Variants in FBXL5 observed in about 807,000 individuals in gnomAD.
FBXL5 encodes F-box and leucine rich repeat protein 5.
A neutral mutation model predicts 78.3 loss-of-function variants in FBXL5; 26 were observed. The ratio of observed to expected loss-of-function variants is 0.33; its 90% confidence interval spans 0.24 to 0.46. The LOEUF (loss-of-function observed/expected upper bound fraction) is 0.46, where lower values mean the gene tolerates loss of function less well. Ranked by LOEUF, FBXL5 falls within the 20% of genes least tolerant of loss-of-function variation. The pLI is 1.00. For missense variants in FBXL5, 710 were observed against 829.2 expected, an observed-to-expected ratio of 0.86 and a Z score of 1.77; for synonymous variants, 295 against 282.5, an observed-to-expected ratio of 1.04 and a Z score of -0.45.
At chr4:15,614,981 G>A (rs1194928742) in intron 9 of FBXL5, among the ~76,000 whole-genome samples, 7 of 152,168 alleles carry the variant, frequency 4.6e-5, no homozygotes, top group South Asian at 2.1e-4. Flanking sequence ...CCGGGTGGGC[G>A]TGGGCTTGGC....
intron 1 of FBXL5, among the ~76,000 whole-genome samples, chr4:15,665,663 T>C (rs889698989): frequency 2.0e-5 from 3 of 152,098 alleles, no homozygotes; most frequent in Non-Finnish European, 2.9e-5. Flanking sequence ...TTTTTAAATA[T>C]GTAATAAAAA....
At chr4:15,614,998 C>T (rs962890286) in intron 9 of FBXL5, among the ~76,000 whole-genome samples, 10 of 152,270 alleles carry the variant, frequency 6.6e-5, no homozygotes, top group Non-Finnish European at 7.4e-5. Flanking sequence ...TGGCGGGCCC[C>T]GCACTCAGAG....
At chr4:15,655,908 G>A (rs558033814), upstream of FBXL5, among the ~76,000 whole-genome samples, 113 of 152,378 alleles carry the variant, frequency 7.4e-4, no homozygotes, top group Non-Finnish European at 1.4e-3. Context: ...AGCGGTTGGT[G>A]AACCAGAGCT....
intron 2 of FBXL5, among the ~76,000 whole-genome samples, chr4:15,641,844 C>T (rs369284064): frequency 1.4e-4 from 22 of 151,948 alleles, no homozygotes; most frequent in East Asian, 5.8e-4. Context: ...CAGCCCAACG[C>T]GGCGAAACCC....
intron 1 of FBXL5, among the ~76,000 whole-genome samples, chr4:15,646,790 G>A (rs887197743): frequency 2.0e-5 from 3 of 148,478 alleles, no homozygotes; most frequent in African/African-American, 7.5e-5. Flanking sequence ...GTGAGAACAT[G>A]CGGTGTTTGG....
chr4:15,630,781 A>G lies in FBXL5; in HGVS notation c.777T>C (p.Tyr259=). Residue 259 remains tyrosine, a synonymous_variant, in exon 6 of 11, where the codon TAT becomes TAC. Transcript: ENST00000341285. ...TATCAAGTTCAGTTGCGGGACCACT[A>G]TACCAGTCACCTACTCAATGAATAA... The part of the protein sequence containing the change: ...YPVHWARGDW[Y]SGPATELDTE... 6.2e-7 allele frequency: 1 copy of G among 1,613,258 alleles called. No homozygotes were observed.
At chr4:15,629,414 G>C (rs1355136700) in intron 6 of FBXL5, among the ~76,000 whole-genome samples, 1 of 152,008 alleles carries the variant, frequency 6.6e-6, no homozygotes. Context: ...ATTTCCCAAA[G>C]GACCTTAACT....
upstream of FBXL5, among the ~76,000 whole-genome samples, chr4:15,658,347 T>C (rs568850796): frequency 2.4e-4 from 37 of 152,334 alleles, no homozygotes; most frequent in African/African-American, 6.7e-4. Flanking sequence ...GATTTAGGAA[T>C]TGCTGTGGTT....
intron 5 of FBXL5, among the ~76,000 whole-genome samples, chr4:15,635,059 C>T (rs1433070182): frequency 6.6e-6 from 1 of 152,078 alleles, no homozygotes; most frequent in East Asian, 1.9e-4. Flanking sequence ...TGGCCGGGCA[C>T]GGTGGCTCAA....
chr4:15,654,910 C>G (rs998904403), intron 1 of FBXL5, among the ~76,000 whole-genome samples: 12 of 152,050 alleles, frequency 7.9e-5, no homozygotes, highest in Non-Finnish European at 7.4e-5. Flanking sequence ...TGGGGCCGGC[C>G]CGAGGGCGGC....
chr4:15,646,379 A>G (rs1381277479), intron 1 of FBXL5, among the ~76,000 whole-genome samples: 1 of 151,384 alleles, frequency 6.6e-6, no homozygotes, highest in Admixed American at 6.6e-5. Context: ...TTTTTTTTTA[A>G]ATCATAAGAA....
In FBXL5 at chr4:15,628,414, C is replaced by G. The variant is rs563834321; in HGVS notation, c.893-381G>C. Among the ~76,000 whole-genome samples the G allele has an allele frequency of 2.6e-5, 4 of 152,152 alleles. No homozygotes were observed. In the South Asian group the frequency reaches 8.3e-4, roughly 32 times the overall value. On this transcript the variant is annotated intron_variant, in intron 6 of 10. Transcript: ENST00000341285. ...TCTAAGAAGCTAAAAATGAGCATGG[C>G]TTTTGGTTTTACTTAATAACTTCTG...
At chr4:15,615,039 T>G (rs1711653544) in intron 9 of FBXL5, among the ~76,000 whole-genome samples, 1 of 152,136 alleles carries the variant, frequency 6.6e-6, no homozygotes, top group Non-Finnish European at 1.5e-5. Flanking sequence ...CCCTGGGCAA[T>G]GAGGGACTTA....
chr4:15,634,950 A>G (rs1476740606), intron 5 of FBXL5, among the ~76,000 whole-genome samples: 2 of 152,156 alleles, frequency 1.3e-5, no homozygotes, highest in African/African-American at 4.8e-5. Context: ...AAATTATCCC[A>G]CATAACAACT....
chr4:15,625,699 G>C lies in FBXL5; in HGVS notation c.1403C>G (p.Pro468Arg). The change falls in exon 9 of 11, where the codon CCT becomes CGT. Residue 468 changes from proline to arginine, a missense_variant. Physicochemically the swap from Pro to Arg is moderately radical, Grantham distance 103 (BLOSUM62 -2). Around this residue, in one of 4 missense-constraint regions of FBXL5, gnomAD observed 517 missense variants for 542.9 expected, o/e 0.95. Coordinates refer to ENST00000341285, the MANE Select transcript of FBXL5 (RefSeq NM_012161.4). ...AGAAGTGAAATTCTCAGAAGAAACAGGCTTAGTCCAGGGGTGTTCATTATC... is the reference window on the plus strand; with the variant it reads ...AGAAGTGAAATTCTCAGAAGAAACACGCTTAGTCCAGGGGTGTTCATTATC... ...EIDNEHPWTK[P>R]VSSENFTSPY... The C allele has an allele frequency of 6.2e-7, 1 of 1,614,218 alleles. No individual in the cohort carries two copies. The highest frequency in any genetic ancestry group is 8.5e-7 in the Non-Finnish European group (1 of 1,180,052).
At chr4:15,617,545 C>CAAAAAAAA (rs34036474) in intron 9 of FBXL5, among the ~76,000 whole-genome samples, 1 of 114,288 alleles carries the variant, frequency 8.7e-6, no homozygotes, top group Non-Finnish European at 1.8e-5. Flanking sequence ...CTCCATGTCT[C>CAAAAAAAA]AAAAAAAAAA....
intron 6 of FBXL5, 90 bp downstream of exon 6, chr4:15,630,576 A>G: frequency 8.2e-7 from 1 of 1,212,168 alleles, no homozygotes; most frequent in East Asian, 3.0e-5. Flanking sequence ...GAAAACACAA[A>G]ATACATAAAT....
intron 5 of FBXL5, among the ~76,000 whole-genome samples, chr4:15,634,992 T>C (rs1714097407): frequency 1.3e-5 from 2 of 152,166 alleles, no homozygotes; most frequent in Admixed American, 1.3e-4. Flanking sequence ...CTACCTAATA[T>C]TTCAAATAGC....
intron 1 of FBXL5, among the ~76,000 whole-genome samples, chr4:15,672,015 G>T (rs1404107394): frequency 1.3e-5 from 2 of 152,134 alleles, no homozygotes; most frequent in African/African-American, 4.8e-5. Flanking sequence ...ATCCTTGCTA[G>T]TTTGGAGATT....
Sources: allele counts gnomAD v4.1 joint callset (sites outside exome capture counted in the v4.1 genomes callset), GRCh38; gene constraint gnomAD v4.1.1; regional missense constraint gnomAD v4.1.1; transcripts MANE v1.5; gene names NCBI Gene and HGNC (gene_info 2026-07-23, HGNC 2026-07-21).